NCAM2: variants seen among roughly 807,000 people sequenced by gnomAD.
The protein encoded by NCAM2 is N-CAM-2.
A neutral mutation model predicts 98.1 loss-of-function variants in NCAM2; 30 were observed. That is an observed-to-expected ratio of 0.31 (90% CI 0.23 to 0.41). The LOEUF (loss-of-function observed/expected upper bound fraction) is 0.41. Ranked by LOEUF, NCAM2 falls within the 10% of genes least tolerant of loss-of-function variation. The pLI, the probability that NCAM2 is intolerant of heterozygous loss-of-function variation, is 1.00. For missense variants in NCAM2, 867 were observed against 1,005.8 expected, an observed-to-expected ratio of 0.86 and a Z score of 1.87; for synonymous variants, 368 against 342.4, an observed-to-expected ratio of 1.07 and a Z score of -0.83.
Position 20,998,557 on chromosome 21 carries a change from C to T in NCAM2, c.-7C>T. The stretch of plus-strand genomic sequence containing the variant: ...TTGAAACTGTCCACCGGTGTCACGT[C>T]CTGAACATGAGCCTCCTCCTCTCCT... On this transcript the variant is annotated 5_prime_UTR_variant, in exon 1 of 18. Transcript: ENST00000400546. The T allele has an allele frequency of 1.9e-6, 3 of 1,613,928 alleles. No homozygotes were observed. Among genetic ancestry groups the T allele is most frequent in the East Asian group, 4.5e-5 (2 of 44,844 alleles).
At chr21:21,391,741 A>T (rs948588460) in intron 9 of NCAM2, among the ~76,000 whole-genome samples, 5 of 152,132 alleles carry the variant, frequency 3.3e-5, no homozygotes, top group Non-Finnish European at 7.3e-5. Context: ...TCTTTAAATC[A>T]TTATTTTTAG....
chr21:21,022,724 A>G (rs1400059251), intron 1 of NCAM2, among the ~76,000 whole-genome samples: 1 of 152,184 alleles, frequency 6.6e-6, no homozygotes, highest in African/African-American at 2.4e-5. Context: ...CAGTAATAAT[A>G]ATGAGTTTTT....
chr21:21,340,128 T>G (rs1005514060), intron 8 of NCAM2, among the ~76,000 whole-genome samples: 49 of 151,924 alleles, frequency 3.2e-4, no homozygotes, highest in African/African-American at 1.2e-3. Context: ...AGGATTGTTT[T>G]TGTTTCAATT....
chr21:21,061,335 T>G (rs1475430446), intron 1 of NCAM2, among the ~76,000 whole-genome samples: 1 of 152,200 alleles, frequency 6.6e-6, no homozygotes, highest in Non-Finnish European at 1.5e-5. Context: ...CAATCACAGT[T>G]GTAGATGCTG....
chr21:21,456,641 A>T (rs1982190851), intron 12 of NCAM2, among the ~76,000 whole-genome samples: 1 of 152,196 alleles, frequency 6.6e-6, no homozygotes. Context: ...CTGAGCCCAT[A>T]AATCTACTAG....
chr21:21,206,060 T>C (rs1156691816), intron 1 of NCAM2, among the ~76,000 whole-genome samples: 1 of 152,152 alleles, frequency 6.6e-6, no homozygotes, highest in Non-Finnish European at 1.5e-5. Flanking sequence ...TCTTAGCAAC[T>C]TATTCAATTT....
At chr21:21,531,688 A>G (rs2826879) in intron 16 of NCAM2, among the ~76,000 whole-genome samples, 41,269 of 151,964 alleles carry the variant, frequency 0.27, 5,875 homozygotes, top group Admixed American at 0.33. Flanking sequence ...TTGACAAACA[A>G]TTGCCTCATT....
At chr21:21,189,855 G>A (rs547152569) in intron 1 of NCAM2, among the ~76,000 whole-genome samples, 1 of 152,278 alleles carries the variant, frequency 6.6e-6, no homozygotes, top group East Asian at 1.9e-4. Flanking sequence ...TTTCTGGTCA[G>A]CCTTTAACTA....
intron 16 of NCAM2, among the ~76,000 whole-genome samples, chr21:21,518,843 G>A (rs1338805519): frequency 6.6e-6 from 1 of 152,046 alleles, no homozygotes; most frequent in East Asian, 1.9e-4. Flanking sequence ...GTGGAAGATG[G>A]CAGTTAATAA....
rs115679940 is a variant in NCAM2 at position 21,217,189 on chromosome 21, A to G, written c.56-63389A>G. On this transcript the variant is annotated intron_variant, in intron 1 of 17. Coordinates refer to ENST00000400546, the MANE Select transcript of NCAM2 (RefSeq NM_004540.5). ...AAGTAAACAGTATATCTGATATTTG[A>G]TCACAATCATAACACACCATACCAC... 3.8e-3 allele frequency among the ~76,000 whole-genome samples: 572 copies of G among 152,252 alleles called. 5 individuals carry two copies. The highest frequency in any genetic ancestry group is 0.012 in the African/African-American group (514 of 41,546).
chr21:21,416,370 T>C (rs1569039348), intron 10 of NCAM2, among the ~76,000 whole-genome samples: 1 of 151,832 alleles, frequency 6.6e-6, no homozygotes, highest in Non-Finnish European at 1.5e-5. Context: ...TTAATAATAA[T>C]GCAAAGTTTA....
intron 15 of NCAM2, 46 bp downstream of exon 15, chr21:21,477,517 A>G (rs746352631): frequency 7.2e-7 from 1 of 1,386,204 alleles, no homozygotes; most frequent in Admixed American, 2.3e-5. Flanking sequence ...TAAATATGAT[A>G]CCACCTTTTT....
At chr21:21,166,460 C>T (rs2067955463) in intron 1 of NCAM2, among the ~76,000 whole-genome samples, 1 of 151,748 alleles carries the variant, frequency 6.6e-6, no homozygotes, top group Non-Finnish European at 1.5e-5. Flanking sequence ...TCTGCCTCAG[C>T]CTCCCAAAGT....
intron 1 of NCAM2, among the ~76,000 whole-genome samples, chr21:21,249,583 A>T (rs1378617805): frequency 6.6e-6 from 1 of 152,204 alleles, no homozygotes; most frequent in Admixed American, 6.5e-5. Context: ...GTTTCCTGAC[A>T]AATTTGTGCT....
Position 21,032,063 on chromosome 21 carries a change from A to C in NCAM2, c.55+33445A>C, listed in dbSNP as rs373442584. Among the ~76,000 whole-genome samples, 39 of 152,306 alleles carry C rather than the reference A, an allele frequency of 2.6e-4. 1 individual carries two copies. The East Asian group carries it at 4.1e-3, about 16-fold the overall frequency. On this transcript the variant is annotated intron_variant, in intron 1 of 17. Transcript: ENST00000400546. ...ATCTAATCAAAGTTTATCAGGCACC[A>C]CTATTATGCCATCTCAATGCAATGG...
In NCAM2 at chr21:21,464,923, T is replaced by G. The variant is rs187197475; in HGVS notation, c.1655-1683T>G. ...ATTTATCCTTGCAGCTTCTAATCAG[T>G]AGGATTTCTGTGCCAATCAATCTAT... On this transcript the variant is annotated intron_variant, in intron 12 of 17. Transcript: ENST00000400546. 2.5e-3 allele frequency among the ~76,000 whole-genome samples: 378 copies of G among 152,216 alleles called. 8 individuals are homozygous for G. Among genetic ancestry groups the G allele is most frequent in the Admixed American group, 0.023 (350 of 15,258 alleles).
intron 1 of NCAM2, among the ~76,000 whole-genome samples, chr21:21,258,171 T>C (rs746772090): frequency 3.9e-5 from 6 of 152,112 alleles, no homozygotes; most frequent in Non-Finnish European, 8.8e-5. Context: ...AGAATGTGTA[T>C]TTTTTTGCTG....
At chr21:21,187,116 G>A (rs2068664788) in intron 1 of NCAM2, among the ~76,000 whole-genome samples, 1 of 151,920 alleles carries the variant, frequency 6.6e-6, no homozygotes, top group Admixed American at 6.6e-5. Flanking sequence ...CATAGTCCCA[G>A]CTACTCGGGA....
chr21:21,318,355 T>C (rs1227359675), intron 5 of NCAM2, among the ~76,000 whole-genome samples: 1 of 152,214 alleles, frequency 6.6e-6, no homozygotes, highest in Non-Finnish European at 1.5e-5. Flanking sequence ...TATCTCATAC[T>C]GTGGAAAGAC....
Sources: gnomAD v4.1 joint callset for allele counts (sites outside exome capture counted in the v4.1 genomes callset) on GRCh38, gnomAD v4.1.1 for gene constraint, MANE v1.5 for transcripts, NCBI Gene and HGNC (gene_info 2026-07-23, HGNC 2026-07-21) for gene names.